Variants in DNAH10 observed in about 807,000 individuals in gnomAD.
DNAH10 encodes the protein axonemal beta dynein heavy chain 10.
A neutral mutation model predicts 506.6 loss-of-function variants in DNAH10; 348 were observed. That is an observed-to-expected ratio of 0.69 (90% CI 0.63 to 0.75). The LOEUF is 0.75. Ranked by LOEUF, DNAH10 falls within the 30% of genes least tolerant of loss-of-function variation. DNAH10 has a pLI of 0.00. For missense variants in DNAH10, 5,179 were observed against 5,787.1 expected, an observed-to-expected ratio of 0.89 and a Z score of 3.41; for synonymous variants, 2,059 against 2,198.6, an observed-to-expected ratio of 0.94 and a Z score of 1.78.
chr12:123,829,709 C>CGTGTGTGT (rs138601397), intron 25 of DNAH10, among the ~76,000 whole-genome samples: 27 of 151,188 alleles, frequency 1.8e-4, no homozygotes, highest in Middle Eastern at 3.5e-3. Context: ...TTTCCATGGC[C>CGTGTGTGT]GTGTGTGTGT....
rs550463465 is a variant in DNAH10, at chr12:123,867,884, A to T, written c.7303-19A>T. 15 of 1,607,812 alleles carry T rather than the reference A, an allele frequency of 9.3e-6. 1 individual carries two copies. Among genetic ancestry groups the T allele is most frequent in the Non-Finnish European group, 1.1e-5 (13 of 1,176,730 alleles). On this transcript the variant is annotated intron_variant, in intron 42 of 78. Coordinates refer to ENST00000673944, the MANE Select transcript of DNAH10 (RefSeq NM_001372106.1). ...GGGTGGACTATGTGGGCTGAACCAG[A>T]TATTTTCCTGTGAACCAGGTAACCC...
chr12:123,868,765 G>A (rs867659011), intron 43 of DNAH10, among the ~76,000 whole-genome samples: 1 of 152,168 alleles, frequency 6.6e-6, no homozygotes, highest in Non-Finnish European at 1.5e-5. Flanking sequence ...TCCTTACCTG[G>A]TGGTCTTTTT....
At chr12:123,773,075 T>C in intron 4 of DNAH10, 133 bp downstream of exon 4, 2 of 604,152 alleles carry the variant, frequency 3.3e-6, no homozygotes, top group Non-Finnish European at 2.8e-6. Context: ...TTCCATACTG[T>C]ACTGGGTTCT....
At position 123,873,682 on chromosome 12, in the gene DNAH10, T is replaced by A; in HGVS notation, c.7910T>A (p.Val2637Glu). The change falls in exon 46 of 79, where the codon GTG becomes GAG. Residue 2637 changes from valine (V) to glutamate (E), a missense_variant. Around this residue, in one of 3 missense-constraint regions of DNAH10, gnomAD observed 4,844 missense variants for 5,430.5 expected, o/e 0.89. Coordinates refer to ENST00000673944, the MANE Select transcript of DNAH10 (RefSeq NM_001372106.1). Reference sequence around the variant, plus strand: ...CCACCCATGGGAAAACGCCTGCTGGTGTTCATGGATGACATGAATATGCCA... The same window carrying A: ...CCACCCATGGGAAAACGCCTGCTGGAGTTCATGGATGACATGAATATGCCA... ...YGPPMGKRLL[V>E]FMDDMNMPRV... 6.2e-7 allele frequency: 1 copy of A among 1,611,982 alleles called. No individual in the cohort carries two copies. Among genetic ancestry groups the A allele is most frequent in the Non-Finnish European group, 8.5e-7 (1 of 1,178,974 alleles).
Position 123,897,910 on chromosome 12 carries a change from C to A in DNAH10, c.9421C>A (p.Leu3141Ile), listed in dbSNP as rs1393151340. ...RSNYVTPKNY[L>I]DFINTYSKLL... ...CAACTATGTCACTCCCAAGAACTAC[C>A]TTGATTTTATTAACACCTATTCAAA... The change falls in exon 55 of 79, where the codon CTT becomes ATT. Residue 3141 changes from leucine (L) to isoleucine (I), a missense_variant. Physicochemically the swap from Leu to Ile is conservative, Grantham distance 5 (BLOSUM62 2). This residue lies in a region of DNAH10 where 4,844 missense variants were observed against 5,430.5 expected (regional missense o/e 0.89). Coordinates refer to ENST00000673944, the MANE Select transcript of DNAH10 (RefSeq NM_001372106.1). The A allele has an allele frequency of 1.2e-6, 2 of 1,609,234 alleles. No individual in the cohort carries two copies. Among genetic ancestry groups the A allele is most frequent in the Non-Finnish European group, 1.7e-6 (2 of 1,178,670 alleles).
At chr12:123,797,475 C>T (rs1292686770) in intron 13 of DNAH10, among the ~76,000 whole-genome samples, 1 of 151,948 alleles carries the variant, frequency 6.6e-6, no homozygotes, top group African/African-American at 2.4e-5. Flanking sequence ...TCACTGCAGC[C>T]TTGACCTTCT....
intron 57 of DNAH10, among the ~76,000 whole-genome samples, chr12:123,906,746 C>T (rs1953801041): frequency 6.6e-6 from 1 of 152,086 alleles, no homozygotes; most frequent in Admixed American, 6.5e-5. Context: ...TAAAATCTGG[C>T]TTTTCTCAGG....
chr12:123,774,110 C>T, intron 4 of DNAH10, 39 bp from the exon 5 acceptor site: 1 of 1,353,272 alleles, frequency 7.4e-7, no homozygotes, highest in Non-Finnish European at 1.0e-6. Flanking sequence ...TGGCTGCTCT[C>T]TCCCACTGAC....
chr12:123,819,408 T>TA (rs376254652), intron 23 of DNAH10, among the ~76,000 whole-genome samples, 158 bp downstream of exon 23: 2,251 of 142,838 alleles, frequency 0.016, 20 homozygotes, highest in Admixed American at 0.024. Context: ...GTGGTCACAT[T>TA]AAAAAAAAAA....
At chr12:123,879,566 G>A in intron 49 of DNAH10, 68 bp from the exon 50 acceptor site, 2 of 1,594,236 alleles carry the variant, frequency 1.3e-6, no homozygotes, top group South Asian at 1.1e-5. Flanking sequence ...CGTATCCTCT[G>A]CTCCTAGCAA....
At position 123,804,726 on chromosome 12, in the gene DNAH10, G is replaced by A; in HGVS notation, c.2780-107G>A. ...TGTTCTGCTTTGGGCTGAGGTTGGAGGCTGGTTTTGGTTTTTTTAAGACAC... is the reference window on the plus strand; with the variant it reads ...TGTTCTGCTTTGGGCTGAGGTTGGAAGCTGGTTTTGGTTTTTTTAAGACAC... On this transcript the variant is annotated intron_variant, in intron 17 of 78. Coordinates refer to ENST00000673944, the MANE Select transcript of DNAH10 (RefSeq NM_001372106.1). The A allele has an allele frequency of 3.9e-6, 4 of 1,019,208 alleles. No individual in the cohort carries two copies. The South Asian group carries it at 6.1e-5, about 16-fold the overall frequency. 63.1% of individuals were successfully genotyped at this position (1,019,208 alleles called of 1,614,324 possible). A position where few individuals can be genotyped will look rare whatever the true frequency, so the allele number is the denominator to read the frequency against.
Position 123,926,991 on chromosome 12 carries a change from A to T in DNAH10, c.12105+171A>T, listed in dbSNP as rs1954974563. 1.4e-6 allele frequency: 1 copy of T among 705,966 alleles called. No individual in the cohort carries two copies. The highest frequency in any genetic ancestry group is 1.8e-5 in the African/African-American group (1 of 55,654). 43.7% of individuals were successfully genotyped at this position (705,966 alleles called of 1,614,324 possible). A position where few individuals can be genotyped will look rare whatever the true frequency, so the allele number is the denominator to read the frequency against. Reference sequence around the variant, plus strand: ...TGGGAAGATGACAATAATAGTTATGATTTCACAACCTCATGTTGTGATCAT... The same window carrying T: ...TGGGAAGATGACAATAATAGTTATGTTTTCACAACCTCATGTTGTGATCAT... On this transcript the variant is annotated intron_variant, in intron 69 of 78. Transcript: ENST00000673944. The surrounding 1 kb of genome is among the most constrained non-coding windows in gnomAD (Gnocchi z 4.1).
At chr12:123,882,564 G>A (rs10846568) in intron 51 of DNAH10, among the ~76,000 whole-genome samples, 60,629 of 151,810 alleles carry the variant, frequency 0.4, 12,528 homozygotes, top group Non-Finnish European at 0.44. Context: ...AGGCCAAGGC[G>A]GGTGGATCAC....
At position 123,877,784 on chromosome 12, in the gene DNAH10, A is replaced by C. The variant is rs1284647846; in HGVS notation, c.8248A>C (p.Thr2750Pro). The C allele has an allele frequency of 1.2e-6, 2 of 1,613,844 alleles. No homozygotes were observed. The highest frequency in any genetic ancestry group is 2.2e-5 in the South Asian group (2 of 91,028). ...TGTGAGTGGCAAGCTGACATTCTGCACGCTAGCACTTTACAAAAATATTGT... is the reference window on the plus strand; with the variant it reads ...TGTGAGTGGCAAGCTGACATTCTGCCCGCTAGCACTTTACAAAAATATTGT... Reference protein sequence around the residue: ...VAVSGKLTFCTLALYKNIVQD... With the variant: ...VAVSGKLTFCPLALYKNIVQD... Residue 2750 changes from threonine to proline, a missense_variant, in exon 48 of 79, where the codon ACG becomes CCG. Transcript: ENST00000673944.
Position 123,790,149 on chromosome 12 carries a change from T to C in DNAH10, c.1815+28T>C, listed in dbSNP as rs1958025026. 2.5e-6 allele frequency: 4 copies of C among 1,602,564 alleles called. No homozygotes were observed. The South Asian group carries it at 4.5e-5, about 18-fold the overall frequency. ...AAGTGACACGTCCATTGAGTCCATC[T>C]TGGGAGTCGACACCATGTTTTCTCT... On this transcript the variant is annotated intron_variant, in intron 11 of 78. Coordinates refer to ENST00000673944, the MANE Select transcript of DNAH10 (RefSeq NM_001372106.1).
At chr12:123,918,318 T>A (rs578248382) in intron 64 of DNAH10, among the ~76,000 whole-genome samples, 24 of 152,302 alleles carry the variant, frequency 1.6e-4, no homozygotes, top group African/African-American at 5.5e-4. Context: ...GTCACTTAGG[T>A]CACGTTTCTA....
rs1953968997 is a variant in DNAH10 at position 123,909,489 on chromosome 12, G to T, written c.9997+47G>T. On this transcript the variant is annotated intron_variant, in intron 58 of 78. Transcript: ENST00000673944. This position sits in a 1 kb window ranked among gnomAD's most constrained non-coding sequence, Gnocchi z 5.4. ...AATCGCCAGGGTGGATCTCGGTCTGGCATCTCAGGCTCTGGGACAGGGATG... is the reference window on the plus strand; with the variant it reads ...AATCGCCAGGGTGGATCTCGGTCTGTCATCTCAGGCTCTGGGACAGGGATG... The T allele has an allele frequency of 6.7e-7, 1 of 1,495,502 alleles. No homozygotes were observed. Among genetic ancestry groups the T allele is most frequent in the Non-Finnish European group, 8.9e-7 (1 of 1,117,442 alleles). The allele number at this position is 1,495,502 out of a possible 1,614,324, so 92.6% of individuals were successfully genotyped here.
At chr12:123,841,806 CT>C (rs1950785186) in intron 30 of DNAH10, among the ~76,000 whole-genome samples, 1 of 152,166 alleles carries the variant, frequency 6.6e-6, no homozygotes, top group Non-Finnish European at 1.5e-5. Flanking sequence ...CCACCTCAGT[CT>C]TCAGTGTAGC....
At chr12:123,892,946 C>A (rs975600607) in intron 52 of DNAH10, among the ~76,000 whole-genome samples, 2 of 152,236 alleles carry the variant, frequency 1.3e-5, no homozygotes, top group Non-Finnish European at 2.9e-5. Context: ...TTCGGAGTTA[C>A]AGGCAAGTGA....
Sources: allele counts gnomAD v4.1 joint callset (sites outside exome capture counted in the v4.1 genomes callset), GRCh38; gene constraint gnomAD v4.1.1; regional missense constraint gnomAD v4.1.1; non-coding constraint Gnocchi (gnomAD v3.1); transcripts MANE v1.5; gene names NCBI Gene and HGNC (gene_info 2026-07-23, HGNC 2026-07-21).